The following EPHB1 variants were observed in gnomAD, a reference collection of about 807,000 sequenced individuals.
The protein encoded by EPHB1 is EPH receptor B1.
In EPHB1, 30 loss-of-function variants were observed where a neutral mutation model predicts 94.4. The ratio of observed to expected loss-of-function variants is 0.32; its 90% CI spans 0.24 to 0.43. The LOEUF (loss-of-function observed/expected upper bound fraction) is 0.43, where lower values mean the gene tolerates loss of function less well. EPHB1 is among the 20% of genes least tolerant of loss of function. The probability of loss-of-function intolerance (pLI) is 1.00; values close to 1 mark genes in which losing one functional copy is unlikely to be tolerated. For missense variants in EPHB1, 1,055 were observed against 1,308.3 expected, an observed-to-expected ratio of 0.81 and a Z score of 2.99; for synonymous variants, 522 against 489.1, an observed-to-expected ratio of 1.07 and a Z score of -0.89.
chr3:135,187,271 A>T (rs948221669), intron 10 of EPHB1, among the ~76,000 whole-genome samples: 2 of 152,152 alleles, frequency 1.3e-5, no homozygotes, highest in Non-Finnish European at 2.9e-5. Flanking sequence ...ATCAACCACA[A>T]CCACTCCCCA....
chr3:134,944,539 C>T lies in EPHB1; in HGVS notation c.124-6832C>T, dbSNP rs531006329. On this transcript the variant is annotated intron_variant, in intron 2 of 15. Coordinates refer to ENST00000398015, the MANE Select transcript of EPHB1 (RefSeq NM_004441.5). ...TCTTTTAGTCTAATTATTTCAGATT[C>T]TTCTGAGTCCCCTATACCACTGGTT... Among the ~76,000 whole-genome samples, 3 of 152,286 alleles carry T rather than the reference C, an allele frequency of 2.0e-5. No individual in the cohort carries two copies. The South Asian group carries it at 6.2e-4, about 32-fold the overall frequency.
In EPHB1 at chr3:134,795,407, ACACACACACACACATG is replaced by A. The variant is rs2035800852; in HGVS notation, c.-219_-204del. The A allele has an allele frequency of 2.4e-6, 1 of 425,274 alleles. No individual in the cohort carries two copies. The highest frequency in any genetic ancestry group is 4.2e-6 in the Non-Finnish European group (1 of 237,990). The allele number at this position is 425,274 out of a possible 1,614,324, so 26.3% of individuals were successfully genotyped here. ...ACGCACACACCCACCTCTCCCATAA[ACACACACACACACATG>A]CACACCCACACCCACGCGCGCCCGC... On this transcript the variant is annotated 5_prime_UTR_variant, in exon 1 of 16. It removes an upstream start codon present in the reference 5' UTR. Coordinates refer to ENST00000398015, the MANE Select transcript of EPHB1 (RefSeq NM_004441.5).
chr3:135,259,613 T>G lies in EPHB1; in HGVS notation c.*493T>G, dbSNP rs1440593704. On this transcript the variant is annotated 3_prime_UTR_variant, in exon 16 of 16. Coordinates refer to ENST00000398015, the MANE Select transcript of EPHB1 (RefSeq NM_004441.5). Reference sequence around the variant, plus strand: ...TGCTCATGACTCCTGTAGGGAAGTTTCTTCAAACAAAACCCAGCTCCTGAG... The same window carrying G: ...TGCTCATGACTCCTGTAGGGAAGTTGCTTCAAACAAAACCCAGCTCCTGAG... 3 of 195,122 alleles carry G rather than the reference T, an allele frequency of 1.5e-5. No individual in the cohort carries two copies. The East Asian group carries it at 2.4e-4, about 16-fold the overall frequency. The allele number at this position is 195,122 out of a possible 1,614,324, so 12.1% of individuals were successfully genotyped here.
In EPHB1 at chr3:134,882,792, T is replaced by TTCTTTCTTTCTTTCTTTCTC. The variant is rs1560280639; in HGVS notation, c.59-43005_59-43004insCTCTTTCTTTCTTTCTTTCT. Among the ~76,000 whole-genome samples the TTCTTTCTTTCTTTCTTTCTC allele has an allele frequency of 1.4e-4, 10 of 72,736 alleles. No homozygotes were observed. In the East Asian group the frequency reaches 2.4e-3, roughly 18 times the overall value. The allele number at this position is 72,736 out of a possible 152,430, so 47.7% of individuals were successfully genotyped here. ...TTTCTTTCTTTCTTTCTTTCTTTCT[T>TTCTTTCTTTCTTTCTTTCTC]TCTTTCTTTCTTTCTTTCTTTCTTT... is the stretch of plus-strand genomic sequence containing the variant. On this transcript the variant is annotated intron_variant, in intron 1 of 15. Coordinates refer to ENST00000398015, the MANE Select transcript of EPHB1 (RefSeq NM_004441.5).
intron 1 of EPHB1, among the ~76,000 whole-genome samples, chr3:134,838,025 T>A (rs1394536716): frequency 1.3e-5 from 2 of 151,664 alleles, no homozygotes. Context: ...AGAACAGGAG[T>A]GCTGCCTGGG....
At chr3:135,040,286 G>T (rs1936791924) in intron 3 of EPHB1, among the ~76,000 whole-genome samples, 1 of 152,172 alleles carries the variant, frequency 6.6e-6, no homozygotes, top group Non-Finnish European at 1.5e-5. Context: ...GGTATAAAGG[G>T]CCTGGCATGT....
At chr3:134,890,133 C>T (rs558436913) in intron 1 of EPHB1, among the ~76,000 whole-genome samples, 1 of 152,162 alleles carries the variant, frequency 6.6e-6, no homozygotes, top group Non-Finnish European at 1.5e-5. Flanking sequence ...CACTACCCCC[C>T]CTTCCACCAG....
chr3:135,242,837 G>A (rs1943818679), intron 13 of EPHB1, among the ~76,000 whole-genome samples: 1 of 152,144 alleles, frequency 6.6e-6, no homozygotes, highest in South Asian at 2.1e-4. Flanking sequence ...CAGCACCTTG[G>A]AAGGTGGAGG....
chr3:135,217,992 T>C (rs568551018), intron 12 of EPHB1, among the ~76,000 whole-genome samples: 1 of 152,228 alleles, frequency 6.6e-6, no homozygotes, highest in East Asian at 1.9e-4. Flanking sequence ...CTCCTGGCAG[T>C]ATTTACATTT....
rs1943746951 is a variant in EPHB1, at chr3:135,240,169, T to C, written c.2347-979T>C. Among the ~76,000 whole-genome samples, 3 of 152,224 alleles carry C rather than the reference T, an allele frequency of 2.0e-5. No individual in the cohort carries two copies. The South Asian group carries it at 6.2e-4, about 32-fold the overall frequency. ...CACCTTCCCTCACTTTTCAATGTTT[T>C]TAACAATATATTTTAAGTTTTTGTT... is the stretch of plus-strand genomic sequence containing the variant. On this transcript the variant is annotated intron_variant, in intron 12 of 15. Transcript: ENST00000398015.
At chr3:134,936,752 A>C (rs2039011769) in intron 2 of EPHB1, among the ~76,000 whole-genome samples, 1 of 152,242 alleles carries the variant, frequency 6.6e-6, no homozygotes, top group African/African-American at 2.4e-5. Flanking sequence ...CAAATGTAGG[A>C]GTCAAGATTC....
At chr3:134,972,869 C>T (rs759774421) in intron 3 of EPHB1, among the ~76,000 whole-genome samples, 66 of 152,130 alleles carry the variant, frequency 4.3e-4, no homozygotes, top group Non-Finnish European at 8.8e-4. Flanking sequence ...GCCAAATGGC[C>T]GTCCTGCCTT....
intron 1 of EPHB1, among the ~76,000 whole-genome samples, chr3:134,910,736 C>G (rs1030675352): frequency 1.4e-4 from 22 of 152,118 alleles, no homozygotes; most frequent in Non-Finnish European, 2.5e-4. Flanking sequence ...TGCCATTGAC[C>G]CCTGGCAACT....
At chr3:135,220,780 T>C (rs961539287) in intron 12 of EPHB1, among the ~76,000 whole-genome samples, 1 of 152,154 alleles carries the variant, frequency 6.6e-6, no homozygotes, top group Non-Finnish European at 1.5e-5. Context: ...ATCTATAAAA[T>C]GCGAATTCAC....
chr3:134,821,713 C>T (rs2036384326), intron 1 of EPHB1, among the ~76,000 whole-genome samples: 1 of 152,212 alleles, frequency 6.6e-6, no homozygotes, highest in Non-Finnish European at 1.5e-5. Flanking sequence ...AAGGAGGACT[C>T]CTATGTCTTT....
At chr3:135,174,228 A>G (rs542817437) in intron 9 of EPHB1, among the ~76,000 whole-genome samples, 114 of 152,220 alleles carry the variant, frequency 7.5e-4, no homozygotes, top group African/African-American at 2.7e-3. Flanking sequence ...TGTGTGTCTC[A>G]TGACATCAAT....
chr3:134,821,693 T>G (rs1245205394), intron 1 of EPHB1, among the ~76,000 whole-genome samples: 1 of 152,168 alleles, frequency 6.6e-6, no homozygotes, highest in African/African-American at 2.4e-5. Context: ...GAAGCCTGGC[T>G]CTGATGTTCA....
At chr3:135,065,858 G>A (rs1259187939) in intron 3 of EPHB1, among the ~76,000 whole-genome samples, 1 of 152,154 alleles carries the variant, frequency 6.6e-6, no homozygotes, top group African/African-American at 2.4e-5. Context: ...TCAAGATTTA[G>A]AGCTCCTTTT....
At chr3:135,238,895 C>G (rs555722521) in intron 12 of EPHB1, among the ~76,000 whole-genome samples, 15 of 152,208 alleles carry the variant, frequency 9.9e-5, no homozygotes, top group Non-Finnish European at 1.9e-4. Context: ...AATGGCAACA[C>G]ACAACTTGGG....
Sources: allele counts gnomAD v4.1 joint callset (sites outside exome capture counted in the v4.1 genomes callset), GRCh38; gene constraint gnomAD v4.1.1; transcripts MANE v1.5; gene names NCBI Gene and HGNC (gene_info 2026-07-23, HGNC 2026-07-21).